Variants in AKAIN1 observed in about 807,000 individuals in gnomAD.
The protein encoded by AKAIN1 is A-kinase anchor inhibitor 1.
In AKAIN1, 3 loss-of-function variants were observed where a neutral mutation model predicts 3.7. The observed-to-expected ratio is 0.82, with a 90% CI of 0.37 to 2.12. The LOEUF (loss-of-function observed/expected upper bound fraction) is 2.12, where lower values mean the gene tolerates loss of function less well. Ranked by LOEUF, AKAIN1 falls within the 30% of genes most tolerant of loss-of-function variation. The pLI, the probability that AKAIN1 is intolerant of heterozygous loss-of-function variation, is 0.06. For missense variants in AKAIN1, 82 were observed against 82.7 expected, an observed-to-expected ratio of 0.99 and a Z score of 0.03; for synonymous variants, 31 against 30.8, an observed-to-expected ratio of 1.01 and a Z score of -0.02.
chr18:5,145,685 T>TGCATTCTGCACAATCTGTTTGCTG lies in AKAIN1; in HGVS notation c.63_86dup (p.Ser22_Ala29dup), dbSNP rs756282119. 3.5e-5 allele frequency: 55 copies of TGCATTCTGCACAATCTGTTTGCTG among 1,551,454 alleles called. No homozygotes were observed. The highest frequency in any genetic ancestry group is 3.3e-4 in the Middle Eastern group (2 of 6,014). On this transcript the variant is annotated inframe_insertion, in exon 2 of 2. Coordinates refer to ENST00000434239, the MANE Select transcript of AKAIN1 (RefSeq NM_001145194.2). Reference sequence around the variant, plus strand: ...AGACTTGCTGCACAGCTTGCAGGATTGCATTCTGCACAATCTGTTTGCTGG... The same window carrying TGCATTCTGCACAATCTGTTTGCTG: ...AGACTTGCTGCACAGCTTGCAGGATTGCATTCTGCACAATCTGTTTGCTGGCATTCTGCACAATCTGTTTGCTGG...
intron 1 of AKAIN1, among the ~76,000 whole-genome samples, chr18:5,189,177 T>A (rs926897426): frequency 4.6e-5 from 7 of 152,064 alleles, no homozygotes; most frequent in Non-Finnish European, 8.8e-5. Flanking sequence ...GGGCACCTCA[T>A]CCCCATCCCC....
chr18:5,196,138 AG>A (rs552949452), intron 1 of AKAIN1, among the ~76,000 whole-genome samples: 148 of 152,320 alleles, frequency 9.7e-4, no homozygotes, highest in African/African-American at 3.2e-3. Context: ...AGAGAGTTCT[AG>A]GCCCCTCCAG....
chr18:5,147,247 A>G (rs1013982944), intron 1 of AKAIN1, among the ~76,000 whole-genome samples: 3 of 152,248 alleles, frequency 2.0e-5, no homozygotes, highest in Non-Finnish European at 4.4e-5. Flanking sequence ...AGAAGCCACC[A>G]TATCAGTTCT....
chr18:5,194,190 AAAT>A lies in AKAIN1; in HGVS notation c.16+2845_16+2847del, dbSNP rs373216491. Among the ~76,000 whole-genome samples the A allele has an allele frequency of 2.9e-3, 446 of 152,284 alleles. 2 individuals carry two copies. Among genetic ancestry groups the A allele is most frequent in the African/African-American group, 0.01 (429 of 41,572 alleles). On this transcript the variant is annotated intron_variant, in intron 1 of 1. Transcript: ENST00000434239. ...AGTTCCTTTAGACAGAAGCATAAAT[AAAT>A]GATGGGCTTCAAGTAATTAACTCCT...
intron 1 of AKAIN1, among the ~76,000 whole-genome samples, chr18:5,158,805 G>A (rs1278928065): frequency 1.3e-5 from 2 of 152,172 alleles, no homozygotes; most frequent in Non-Finnish European, 2.9e-5. Context: ...GAAAGCCCTT[G>A]TTTTAGAGAC....
chr18:5,166,463 A>T (rs993427231), intron 1 of AKAIN1, among the ~76,000 whole-genome samples: 3 of 152,018 alleles, frequency 2.0e-5, no homozygotes, highest in Non-Finnish European at 4.4e-5. Context: ...ACCACTATCC[A>T]GTGCTGTTTC....
chr18:5,146,575 T>A (rs1301012592), intron 1 of AKAIN1, among the ~76,000 whole-genome samples: 12 of 152,192 alleles, frequency 7.9e-5, no homozygotes, highest in Non-Finnish European at 2.9e-5. Context: ...TATAATAGGA[T>A]CACAACCAGT....
intron 1 of AKAIN1, among the ~76,000 whole-genome samples, chr18:5,160,693 C>A (rs1379869632): frequency 6.6e-6 from 1 of 152,038 alleles, no homozygotes; most frequent in Non-Finnish European, 1.5e-5. Flanking sequence ...TTTGATTTTA[C>A]ATTTGGTACT....
chr18:5,167,387 G>T (rs560278853), intron 1 of AKAIN1, among the ~76,000 whole-genome samples: 1 of 152,162 alleles, frequency 6.6e-6, no homozygotes, highest in South Asian at 2.1e-4. Context: ...AACCATCATT[G>T]TAACCTAGAC....
chr18:5,194,396 G>A (rs1445856106), intron 1 of AKAIN1, among the ~76,000 whole-genome samples: 1 of 152,086 alleles, frequency 6.6e-6, no homozygotes, highest in Non-Finnish European at 1.5e-5. Context: ...AATTTAAGCT[G>A]TATTCTTTAC....
chr18:5,154,391 G>C (rs1004681639), intron 1 of AKAIN1, among the ~76,000 whole-genome samples: 14 of 152,064 alleles, frequency 9.2e-5, no homozygotes, highest in African/African-American at 3.1e-4. Context: ...AGACTTAAAA[G>C]GCTGTTCTGA....
intron 1 of AKAIN1, chr18:5,159,257 C>A (rs922050823): frequency 3.3e-5 from 5 of 151,856 alleles, no homozygotes; most frequent in African/African-American, 1.2e-4. Context: ...TTTGTTAGAA[C>A]TATGTGACAG....
At chr18:5,183,542 A>T (rs1157110193) in intron 1 of AKAIN1, among the ~76,000 whole-genome samples, 1 of 151,970 alleles carries the variant, frequency 6.6e-6, no homozygotes, top group Non-Finnish European at 1.5e-5. Context: ...AACTTAAACC[A>T]CCTTTAAAAC....
intron 1 of AKAIN1, among the ~76,000 whole-genome samples, chr18:5,159,850 A>G (rs548459307): frequency 6.6e-6 from 1 of 152,330 alleles, no homozygotes; most frequent in Non-Finnish European, 1.5e-5. Context: ...CCTGCGAAAG[A>G]TAAATCATCT....
At chr18:5,197,476 A>G, upstream of AKAIN1, 1 of 1,066,930 alleles carries the variant, frequency 9.4e-7, no homozygotes, top group Non-Finnish European at 1.2e-6. The surrounding 1 kb of genome is among the most constrained non-coding windows in gnomAD (Gnocchi z 6.9). Flanking sequence ...CGCCGTGGAT[A>G]TTGGACTGAC....
intron 1 of AKAIN1, among the ~76,000 whole-genome samples, chr18:5,183,263 C>T (rs530939135): frequency 2.9e-4 from 44 of 151,962 alleles, no homozygotes; most frequent in African/African-American, 1.0e-3. Context: ...AAATAATATG[C>T]ATGTCAGGAT....
chr18:5,145,185 T>C lies in AKAIN1; in HGVS notation c.*377A>G. 5.5e-6 allele frequency: 1 copy of C among 180,584 alleles called. No homozygotes were observed. The highest frequency in any genetic ancestry group is 1.4e-4 in the East Asian group (1 of 7,146). 11.2% of individuals were successfully genotyped at this position (180,584 alleles called of 1,614,324 possible). On this transcript the variant is annotated 3_prime_UTR_variant, in exon 2 of 2. Transcript: ENST00000434239. The stretch of plus-strand genomic sequence containing the variant: ...TACCATAAAGAACTCAGTACTGTAT[T>C]CAGTATTTCAGCAAAAAGGCTGCTT...
intron 1 of AKAIN1, among the ~76,000 whole-genome samples, chr18:5,172,636 C>T (rs1350759948): frequency 6.6e-6 from 1 of 151,170 alleles, no homozygotes; most frequent in African/African-American, 2.5e-5. Flanking sequence ...TGATTGCTGA[C>T]AACATATTTT....
chr18:5,187,555 G>C (rs906946868), intron 1 of AKAIN1, among the ~76,000 whole-genome samples: 29 of 152,068 alleles, frequency 1.9e-4, no homozygotes, highest in African/African-American at 7.0e-4. Context: ...TTATTCTTTT[G>C]TCAGGAGCCC....
Sources: gnomAD v4.1 joint callset for allele counts (sites outside exome capture counted in the v4.1 genomes callset) on GRCh38, gnomAD v4.1.1 for gene constraint, Gnocchi (gnomAD v3.1) non-coding constraint, MANE v1.5 for transcripts, NCBI Gene and HGNC (gene_info 2026-07-23, HGNC 2026-07-21) for gene names.